The following IRAK1BP1 variants were observed in gnomAD, a reference collection of about 807,000 sequenced individuals.
IRAK1BP1 encodes interleukin 1 receptor associated kinase 1 binding protein 1.
In IRAK1BP1, 24 loss-of-function variants were observed where a neutral mutation model predicts 28.0. The observed-to-expected ratio is 0.86, with a 90% CI of 0.62 to 1.20. The LOEUF is 1.20. Among genes scored for constraint, IRAK1BP1 ranks in the 50% most tolerant of loss-of-function variants. The pLI, the probability that IRAK1BP1 is intolerant of heterozygous loss-of-function variation, is 0.00. For synonymous variants in IRAK1BP1, 131 were observed against 116.3 expected, an observed-to-expected ratio of 1.13 and a Z score of -0.81; for missense variants, 336 against 316.7, an observed-to-expected ratio of 1.06 and a Z score of -0.46.
chr6:78,871,719 C>T lies in IRAK1BP1; in HGVS notation c.315+3828C>T, dbSNP rs142237425. 1.1e-3 allele frequency: 218 copies of T among 199,208 alleles called. 1 individual carries two copies. Among genetic ancestry groups the T allele is most frequent in the African/African-American group, 4.5e-3 (193 of 42,934 alleles). 12.3% of individuals were successfully genotyped at this position (199,208 alleles called of 1,614,324 possible). A position where few individuals can be genotyped will look rare whatever the true frequency, so the allele number is the denominator to read the frequency against. On this transcript the variant is annotated intron_variant, in intron 1 of 3. Coordinates refer to ENST00000369940, the MANE Select transcript of IRAK1BP1 (RefSeq NM_001010844.4). ...TGATTATTGGCAGGTTGCTTGCACA[C>T]GGTCACAGCCAGGAAGTGGCAGAAT...
intron 2 of IRAK1BP1, among the ~76,000 whole-genome samples, chr6:78,888,020 G>GGGAAATCCTACCATTTGAAA (rs1562082502): frequency 3.1e-4 from 16 of 50,916 alleles, no homozygotes; most frequent in African/African-American, 9.8e-4. Context: ...ATATTATTTA[G>GGGAAATCCTACCATTTGAAA]CCTTAAAAAA....
chr6:78,953,539 T>C, the IRAK1BP1 span, among the ~76,000 whole-genome samples: 1 of 152,196 alleles, frequency 6.6e-6, no homozygotes, highest in Non-Finnish European at 1.5e-5. Flanking sequence ...CAGAACATTA[T>C]AGCATCAGCT....
chr6:78,926,688 G>A lies in IRAK1BP1; in HGVS notation c.*68-18720G>A, dbSNP rs186438717. Among the ~76,000 whole-genome samples, 485 of 151,664 alleles carry A rather than the reference G, an allele frequency of 3.2e-3. 3 individuals are homozygous for A. The highest frequency in any genetic ancestry group is 0.011 in the African/African-American group (451 of 41,382). On this transcript the variant is annotated intron_variant and NMD_transcript_variant, in intron 4 of 4. Transcript: ENST00000606868. The stretch of plus-strand genomic sequence containing the variant: ...ACCCCTTAACCATCCCCACCTCCCC[G>A]ACACCCTCCCACTACATTTCTCAGC...
At chr6:78,911,231 A>C (rs1161791764) in intron 4 of IRAK1BP1, among the ~76,000 whole-genome samples, 2 of 152,110 alleles carry the variant, frequency 1.3e-5, no homozygotes, top group African/African-American at 4.8e-5. Flanking sequence ...GGTCAGGGCA[A>C]ATCCATGCCA....
chr6:78,894,346 A>G (rs1771804099), intron 2 of IRAK1BP1, among the ~76,000 whole-genome samples: 1 of 152,188 alleles, frequency 6.6e-6, no homozygotes, highest in Non-Finnish European at 1.5e-5. Flanking sequence ...AGTGTACTTT[A>G]AATATGAAGA....
Position 78,902,797 on chromosome 6 carries a change from TACATACATACATAC to T in IRAK1BP1, c.*4465_*4478del. 3 of 456,656 alleles carry T rather than the reference TACATACATACATAC, an allele frequency of 6.6e-6. No homozygotes were observed. Among genetic ancestry groups the T allele is most frequent in the Non-Finnish European group, 1.2e-5 (3 of 255,082 alleles). The allele number at this position is 456,656 out of a possible 1,614,324, so 28.3% of individuals were successfully genotyped here. A position where few individuals can be genotyped will look rare whatever the true frequency, so the allele number is the denominator to read the frequency against. ...ATACATACATACATACATACATACATACATACATACATACATACATACATAAAATGCCCAGTATC... is the reference window on the plus strand; with the variant it reads ...ATACATACATACATACATACATACATATACATACATAAAATGCCCAGTATC... On this transcript the variant is annotated 3_prime_UTR_variant, in exon 4 of 4. Transcript: ENST00000369940.
At chr6:78,937,431 A>T (rs1773316090) in intron 4 of IRAK1BP1, 1 of 151,742 alleles carries the variant, frequency 6.6e-6, no homozygotes, top group African/African-American at 2.4e-5. Context: ...TGCACTGCAG[A>T]TGAGGGACAG....
Position 78,898,411 on chromosome 6 carries a change from A to AAT in IRAK1BP1, c.*110_*111dup, listed in dbSNP as rs58937738. 0.12 allele frequency: 10,145 copies of AAT among 86,384 alleles called. 985 individuals are homozygous for AAT. The highest frequency in any genetic ancestry group is 0.14 in the African/African-American group (2,088 of 15,436). 5.4% of individuals were successfully genotyped at this position (86,384 alleles called of 1,614,324 possible). ...TTTTATAATGTTTACGTTTGTCCTG[A>AAT]ATATATATATATATATATATATATA... On this transcript the variant is annotated 3_prime_UTR_variant, in exon 4 of 4. Coordinates refer to ENST00000369940, the MANE Select transcript of IRAK1BP1 (RefSeq NM_001010844.4).
intron 4 of IRAK1BP1, among the ~76,000 whole-genome samples, chr6:78,917,419 C>T (rs201104549): frequency 2.2e-4 from 34 of 151,916 alleles, no homozygotes; most frequent in African/African-American, 7.2e-4. Context: ...TATGGAATAA[C>T]GTACAGCAAC....
intron 4 of IRAK1BP1, among the ~76,000 whole-genome samples, chr6:78,929,800 T>A (rs1304454659): frequency 6.6e-6 from 1 of 152,234 alleles, no homozygotes; most frequent in Admixed American, 6.5e-5. Flanking sequence ...AAGAGACAAG[T>A]TAGTCTGGAG....
chr6:78,892,846 A>T (rs1219470139), intron 2 of IRAK1BP1, among the ~76,000 whole-genome samples: 1 of 152,162 alleles, frequency 6.6e-6, no homozygotes, highest in East Asian at 1.9e-4. Context: ...TGAACCTGAA[A>T]ATGTAGCAAT....
At chr6:78,913,331 T>C (rs1772475572) in intron 4 of IRAK1BP1, among the ~76,000 whole-genome samples, 1 of 146,874 alleles carries the variant, frequency 6.8e-6, no homozygotes, top group Non-Finnish European at 1.5e-5. Context: ...CAAGACTCTG[T>C]TTCAAAAAAA....
At chr6:78,897,063 A>C (rs900914002) in intron 2 of IRAK1BP1, among the ~76,000 whole-genome samples, 2 of 151,510 alleles carry the variant, frequency 1.3e-5, no homozygotes, top group Non-Finnish European at 2.9e-5. Context: ...CAGCTTGGGG[A>C]ACATAGTGAG....
At chr6:78,889,124 AAAAAAAAAAAG>A (rs1771535968) in intron 2 of IRAK1BP1, among the ~76,000 whole-genome samples, 3 of 147,832 alleles carry the variant, frequency 2.0e-5, no homozygotes, top group African/African-American at 7.5e-5. Context: ...CTCAAAAAAA[AAAAAAAAAAAG>A]AAAGAAAGAA....
intron 4 of IRAK1BP1, among the ~76,000 whole-genome samples, chr6:78,944,826 C>T (rs992111685): frequency 2.6e-5 from 4 of 152,074 alleles, no homozygotes; most frequent in Non-Finnish European, 4.4e-5. Context: ...TATTATTTAC[C>T]TTCTTCATCT....
At chr6:78,923,993 A>T (rs1222738762) in intron 4 of IRAK1BP1, among the ~76,000 whole-genome samples, 4 of 152,206 alleles carry the variant, frequency 2.6e-5, no homozygotes, top group Admixed American at 2.0e-4. Context: ...ACACCCTAAC[A>T]TTACAATTAA....
the IRAK1BP1 span, among the ~76,000 whole-genome samples, chr6:78,974,259 C>T: frequency 6.6e-6 from 1 of 152,062 alleles, no homozygotes; most frequent in Non-Finnish European, 1.5e-5. Flanking sequence ...AACTGAACAA[C>T]CTGCTCCTGA....
chr6:78,962,257 A>C, the IRAK1BP1 span, among the ~76,000 whole-genome samples: 1 of 152,164 alleles, frequency 6.6e-6, no homozygotes, highest in Non-Finnish European at 1.5e-5. Context: ...AGTAGAGAAA[A>C]GGAAACAGAC....
At chr6:78,878,862 T>C (rs1394483635) in intron 1 of IRAK1BP1, among the ~76,000 whole-genome samples, 1 of 152,136 alleles carries the variant, frequency 6.6e-6, no homozygotes, top group Non-Finnish European at 1.5e-5. Flanking sequence ...ATGCACAAGC[T>C]TCAGTAGCCG....
Sources: allele counts gnomAD v4.1 joint callset (sites outside exome capture counted in the v4.1 genomes callset), GRCh38; gene constraint gnomAD v4.1.1; transcripts MANE v1.5; gene names NCBI Gene and HGNC (gene_info 2026-07-23, HGNC 2026-07-21).